Variants in CACNG4 observed in about 807,000 individuals in gnomAD.
The protein encoded by CACNG4 is calcium voltage-gated channel auxiliary subunit gamma 4.
Under a neutral mutation model 22.9 loss-of-function variants are expected in CACNG4, and 8 were observed. The ratio of observed to expected loss-of-function variants is 0.35; its 90% CI spans 0.21 to 0.63. The LOEUF is 0.63. Ranked by LOEUF, CACNG4 falls within the 30% of genes least tolerant of loss-of-function variation. The pLI is 0.72. For synonymous variants in CACNG4, 188 were observed against 191.9 expected, an observed-to-expected ratio of 0.98 and a Z score of 0.17; for missense variants, 357 against 455.4, an observed-to-expected ratio of 0.78 and a Z score of 1.97.
intron 2 of CACNG4, among the ~76,000 whole-genome samples, chr17:67,023,917 G>A (rs547099447): frequency 1.3e-5 from 2 of 152,310 alleles, no homozygotes; most frequent in African/African-American, 4.8e-5. Flanking sequence ...AGGTCCTAAG[G>A]GTTAGGACAC....
At chr17:67,021,141 C>A (rs1457023389) in intron 2 of CACNG4, among the ~76,000 whole-genome samples, 1 of 151,848 alleles carries the variant, frequency 6.6e-6, no homozygotes, top group African/African-American at 2.4e-5. Context: ...GTTGAGGCTG[C>A]AGTGAGCCAC....
intron 1 of CACNG4, among the ~76,000 whole-genome samples, chr17:66,969,831 T>A (rs568930213): frequency 6.6e-6 from 1 of 152,238 alleles, no homozygotes; most frequent in East Asian, 1.9e-4. Context: ...CATCAAATAA[T>A]AGCCTTTCTC....
intron 1 of CACNG4, among the ~76,000 whole-genome samples, chr17:67,007,379 T>C (rs2035443988): frequency 6.6e-6 from 1 of 152,210 alleles, no homozygotes; most frequent in South Asian, 2.1e-4. Flanking sequence ...TAACTCTAAT[T>C]GGAACAGTCT....
At chr17:67,010,322 C>T (rs2143340825) in intron 1 of CACNG4, among the ~76,000 whole-genome samples, 1 of 152,268 alleles carries the variant, frequency 6.6e-6, no homozygotes, top group African/African-American at 2.4e-5. Context: ...AGAGTCTAAT[C>T]CTAAGGAGTG....
intron 1 of CACNG4, among the ~76,000 whole-genome samples, chr17:67,017,754 G>T (rs2035508288): frequency 5.9e-5 from 9 of 152,032 alleles, no homozygotes; most frequent in Admixed American, 5.9e-4. Context: ...CTGACCTCCT[G>T]ATCCACCCAC....
intron 1 of CACNG4, among the ~76,000 whole-genome samples, chr17:66,977,816 T>C (rs1338288697): frequency 6.6e-6 from 1 of 152,218 alleles, no homozygotes; most frequent in Non-Finnish European, 1.5e-5. Flanking sequence ...AGTGCCTGGC[T>C]TCAGGCCGGG....
intron 1 of CACNG4, among the ~76,000 whole-genome samples, chr17:67,010,423 GCA>G (rs2143341013): frequency 6.6e-6 from 1 of 152,274 alleles, no homozygotes; most frequent in South Asian, 2.1e-4. Flanking sequence ...CGAAGTAGGG[GCA>G]CAGACTCTGA....
Position 67,032,334 on chromosome 17 carries a change from A to C in CACNG4, c.*1330A>C, listed in dbSNP as rs1241377776. The C allele has an allele frequency of 1.1e-5, 3 of 265,724 alleles. No individual in the cohort carries two copies. The highest frequency in any genetic ancestry group is 2.2e-5 in the Non-Finnish European group (3 of 136,466). 16.5% of individuals were successfully genotyped at this position (265,724 alleles called of 1,614,324 possible). ...TGGAGGCGTGTGCAGGCTTGGAAGA[A>C]GAACTCTCCAGAACATGGAACTTAA... On this transcript the variant is annotated 3_prime_UTR_variant, in exon 4 of 4. Transcript: ENST00000262138.
intron 2 of CACNG4, among the ~76,000 whole-genome samples, chr17:67,018,734 A>G (rs2035515141): frequency 6.6e-6 from 1 of 152,110 alleles, no homozygotes; most frequent in Non-Finnish European, 1.5e-5. Context: ...AATCAGATAC[A>G]GTCACACACC....
At chr17:66,974,367 G>A (rs1042993552) in intron 1 of CACNG4, among the ~76,000 whole-genome samples, 4 of 152,178 alleles carry the variant, frequency 2.6e-5, no homozygotes, top group Admixed American at 6.5e-5. Flanking sequence ...CCCCTTATTC[G>A]AGGGACATTC....
At position 67,033,199 on chromosome 17, in the gene CACNG4, C is replaced by T. The variant is rs372820548; in HGVS notation, c.*2195C>T. On this transcript the variant is annotated 3_prime_UTR_variant, in exon 4 of 4. Coordinates refer to ENST00000262138, the MANE Select transcript of CACNG4 (RefSeq NM_014405.4). ...GGGCCCTGGGCCGCCCATTCCTGGC[C>T]CTCCCGCTGCATCTCAGACCTGACA... The T allele has an allele frequency of 1.3e-5, 2 of 152,472 alleles. No homozygotes were observed. The highest frequency in any genetic ancestry group is 4.8e-5 in the African/African-American group (2 of 41,430). 9.4% of individuals were successfully genotyped at this position (152,472 alleles called of 1,614,324 possible).
rs2143382830 is a variant in CACNG4 at position 67,030,845 on chromosome 17, C to T, written c.825C>T (p.Ser275=). ...GGGCCATCCCCATGGGGGAGCTGTC[C>T]ATGTACACGCTGTCCAGGGAGCCCC... ...ITGAIPMGEL[S]MYTLSREPLK... is the part of the protein sequence containing the mutation. The change falls in exon 4 of 4, where the codon TCC becomes TCT. Residue 275 remains serine, a synonymous_variant. Transcript: ENST00000262138. This position sits in a 1 kb window ranked among gnomAD's most constrained non-coding sequence, Gnocchi z 6.4. The T allele has an allele frequency of 6.2e-7, 1 of 1,613,746 alleles. No individual in the cohort carries two copies. The highest frequency in any genetic ancestry group is 2.2e-5 in the East Asian group (1 of 44,862).
rs367886594 is a variant in CACNG4 at position 67,018,134 on chromosome 17, G to A, written c.221-55G>A. The A allele has an allele frequency of 1.3e-4, 177 of 1,335,508 alleles. 1 individual carries two copies. The Admixed American group carries it at 2.1e-3, about 16-fold the overall frequency. The allele number at this position is 1,335,508 out of a possible 1,614,324, so 82.7% of individuals were successfully genotyped here. A position where few individuals can be genotyped will look rare whatever the true frequency, so the allele number is the denominator to read the frequency against. ...CATGGCAACCGTGTCTGGAGTGAAC[G>A]GATGAGTGAACCCAGACAGCATTTA... On this transcript the variant is annotated intron_variant, in intron 1 of 3. Coordinates refer to ENST00000262138, the MANE Select transcript of CACNG4 (RefSeq NM_014405.4).
intron 1 of CACNG4, among the ~76,000 whole-genome samples, chr17:66,987,938 G>A (rs762494634): frequency 6.6e-6 from 1 of 152,054 alleles, no homozygotes; most frequent in Non-Finnish European, 1.5e-5. Flanking sequence ...GCTCGAGACT[G>A]GGCATGGTCC....
intron 1 of CACNG4, among the ~76,000 whole-genome samples, chr17:67,001,715 C>T (rs988363593): frequency 1.3e-5 from 2 of 152,238 alleles, no homozygotes. Context: ...ACCAAGTCTG[C>T]AGCTGCTCTT....
intron 2 of CACNG4, chr17:67,020,093 G>GGGAGCAGTAGGGACAGGGCTGCCTGGCA (rs2035522823): frequency 6.6e-6 from 1 of 152,416 alleles, no homozygotes; most frequent in African/African-American, 2.4e-5. Context: ...GCCTGGAGGA[G>GGGAGCAGTAGGGACAGGGCTGCCTGGCA]GGAGCAGTAG....
At chr17:66,973,331 C>T (rs941628082) in intron 1 of CACNG4, among the ~76,000 whole-genome samples, 2 of 152,126 alleles carry the variant, frequency 1.3e-5, no homozygotes, top group Non-Finnish European at 2.9e-5. Context: ...GGGCCAGCCC[C>T]AGTCCTTTAT....
Position 67,031,270 on chromosome 17 carries a change from A to G in CACNG4, c.*266A>G. The stretch of plus-strand genomic sequence containing the variant: ...CTCAGGGTCTCTGAAATCTCCCGGG[A>G]AGCCCCAGAGCTTTCCTGAGGCTGC... On this transcript the variant is annotated 3_prime_UTR_variant, in exon 4 of 4. Transcript: ENST00000262138. The surrounding 1 kb of genome is among the most constrained non-coding windows in gnomAD (Gnocchi z 4.0). 1 of 633,344 alleles carries G rather than the reference A, an allele frequency of 1.6e-6. No individual in the cohort carries two copies. Among genetic ancestry groups the G allele is most frequent in the Admixed American group, 2.1e-5 (1 of 47,474 alleles). The allele number at this position is 633,344 out of a possible 1,614,324, so 39.2% of individuals were successfully genotyped here.
rs191902513 is a variant in CACNG4, at chr17:66,984,017, C to T, written c.220+18886C>T. Among the ~76,000 whole-genome samples, 729 of 152,226 alleles carry T rather than the reference C, an allele frequency of 4.8e-3. 9 individuals carry two copies. Among genetic ancestry groups the T allele is most frequent in the Non-Finnish European group, 7.6e-3 (518 of 68,012 alleles). ...TATTTTGATCAGGGTGCTGGTTATA[C>T]GGGTGTAGACACATGTTCATCTAAC... On this transcript the variant is annotated intron_variant, in intron 1 of 3. Transcript: ENST00000262138. The surrounding 1 kb of genome is among the most constrained non-coding windows in gnomAD (Gnocchi z 4.0).
Sources: gnomAD v4.1 joint callset for allele counts (sites outside exome capture counted in the v4.1 genomes callset) on GRCh38, gnomAD v4.1.1 for gene constraint, Gnocchi (gnomAD v3.1) non-coding constraint, MANE v1.5 for transcripts, NCBI Gene and HGNC (gene_info 2026-07-23, HGNC 2026-07-21) for gene names.